The following MALRD1 variants were observed in gnomAD, a reference collection of about 807,000 sequenced individuals.
MALRD1 encodes the protein MAM and LDL receptor class A domain containing 1, also known as MAM and LDL-receptor class A domain-containing protein 1.
In MALRD1, 247 loss-of-function variants were observed where a neutral mutation model predicts 242.1. That is an observed-to-expected ratio of 1.02 (90% CI 0.92 to 1.13). The LOEUF (loss-of-function observed/expected upper bound fraction) is 1.13. Ranked by LOEUF, MALRD1 falls within the 50% of genes most tolerant of loss-of-function variation. The probability of loss-of-function intolerance (pLI) is 0.00; values close to 1 mark genes in which losing one functional copy is unlikely to be tolerated. For synonymous variants in MALRD1, 995 were observed against 866.6 expected (o/e 1.15, Z -2.60); for missense variants, 2,989 against 2,533.1 (o/e 1.18, Z -3.86).
At chr10:19,554,766 A>C (rs1437037441) in intron 32 of MALRD1, among the ~76,000 whole-genome samples, 1 of 152,038 alleles carries the variant, frequency 6.6e-6, no homozygotes, top group Non-Finnish European at 1.5e-5. Context: ...GTGTATATGC[A>C]CCACATTTTT....
chr10:19,360,910 GT>G (rs201629191), intron 26 of MALRD1, among the ~76,000 whole-genome samples: 5 of 149,628 alleles, frequency 3.3e-5, no homozygotes, highest in African/African-American at 7.4e-5. Context: ...AACCAGTGAA[GT>G]TTTTTTTTTG....
intron 18 of MALRD1, among the ~76,000 whole-genome samples, chr10:19,242,916 T>G (rs183354491): frequency 1.3e-5 from 2 of 152,194 alleles, no homozygotes; most frequent in East Asian, 1.9e-4. Flanking sequence ...TTAATCCACT[T>G]CTATTCAAGT....
chr10:19,280,360 T>C, intron 20 of MALRD1, 137 bp downstream of exon 20: 2 of 597,800 alleles, frequency 3.3e-6, no homozygotes, highest in Non-Finnish European at 2.5e-6. Context: ...GTAACAGTTA[T>C]TCATACAGAA....
At chr10:19,483,729 A>G (rs1837118278) in intron 29 of MALRD1, among the ~76,000 whole-genome samples, 2 of 152,182 alleles carry the variant, frequency 1.3e-5, no homozygotes, top group South Asian at 4.1e-4. Context: ...AGATTTCTCA[A>G]AGAACTTAGA....
At chr10:19,369,096 T>G (rs2130737454) in intron 26 of MALRD1, among the ~76,000 whole-genome samples, 1 of 146,794 alleles carries the variant, frequency 6.8e-6, no homozygotes, top group Non-Finnish European at 1.5e-5. Context: ...TTAATATATA[T>G]TTAAATATAT....
At chr10:19,061,140 G>T (rs1323718990) in intron 1 of MALRD1, among the ~76,000 whole-genome samples, 1 of 152,134 alleles carries the variant, frequency 6.6e-6, no homozygotes. Flanking sequence ...TCATCAGGAG[G>T]GAGAGCATCA....
At chr10:19,671,948 C>CT (rs925885174) in intron 36 of MALRD1, among the ~76,000 whole-genome samples, 20 of 151,328 alleles carry the variant, frequency 1.3e-4, no homozygotes, top group African/African-American at 4.4e-4. Flanking sequence ...TTCATTTTTT[C>CT]TTTTTTCCAA....
chr10:19,143,902 G>T (rs2131433617), intron 10 of MALRD1, among the ~76,000 whole-genome samples: 1 of 152,260 alleles, frequency 6.6e-6, no homozygotes, highest in East Asian at 1.9e-4. Flanking sequence ...TCACAGCTAG[G>T]TTGTAAGTGC....
At position 19,255,152 on chromosome 10, in the gene MALRD1, G is replaced by A. The variant is rs1053956047; in HGVS notation, c.2992-2532G>A. On this transcript the variant is annotated intron_variant, in intron 18 of 39. Transcript: ENST00000454679. ...GTTTACTTCATAACATTTCCAAGAC[G>A]ATGATAGTTCTAATATAAGTAGAAT... Among the ~76,000 whole-genome samples, 5 of 151,944 alleles carry A rather than the reference G, an allele frequency of 3.3e-5. No homozygotes were observed. In the East Asian group the frequency reaches 7.7e-4, roughly 24 times the overall value.
chr10:19,326,134 C>T (rs985502327), intron 22 of MALRD1, among the ~76,000 whole-genome samples: 3 of 151,988 alleles, frequency 2.0e-5, no homozygotes, highest in African/African-American at 4.8e-5. Context: ...TAAAGACATC[C>T]AAATGGGCTT....
At chr10:19,049,720 T>C (rs560444709) in intron 1 of MALRD1, among the ~76,000 whole-genome samples, 1 of 152,240 alleles carries the variant, frequency 6.6e-6, no homozygotes, top group Non-Finnish European at 1.5e-5. Flanking sequence ...AAATCTCCTG[T>C]GATTTTGAAC....
At chr10:19,612,020 T>C (rs1364525030) in intron 35 of MALRD1, among the ~76,000 whole-genome samples, 3 of 152,078 alleles carry the variant, frequency 2.0e-5, no homozygotes, top group East Asian at 3.9e-4. Context: ...AATTTAAATA[T>C]GAATGACCCA....
intron 22 of MALRD1, among the ~76,000 whole-genome samples, chr10:19,324,622 G>A (rs1296297049): frequency 1.4e-5 from 2 of 147,568 alleles, no homozygotes; most frequent in Non-Finnish European, 3.0e-5. Context: ...AAAAAAACGA[G>A]TTGTCCTGGT....
intron 29 of MALRD1, among the ~76,000 whole-genome samples, chr10:19,486,592 C>T (rs934086606): frequency 6.6e-6 from 1 of 152,064 alleles, no homozygotes; most frequent in South Asian, 2.1e-4. Context: ...GGATTACGCC[C>T]GTTTTAATAT....
intron 18 of MALRD1, among the ~76,000 whole-genome samples, chr10:19,216,119 C>CTTTTTTTT (rs753559077): frequency 1.2e-4 from 15 of 122,816 alleles, no homozygotes; most frequent in East Asian, 8.5e-4. Context: ...TTCTTTCTTT[C>CTTTTTTTT]TTTTTTTTTT....
intron 36 of MALRD1, among the ~76,000 whole-genome samples, chr10:19,623,134 CAGAT>C (rs1026284887): frequency 1.3e-5 from 2 of 151,654 alleles, no homozygotes; most frequent in Non-Finnish European, 2.9e-5. Context: ...CATTTGAAGA[CAGAT>C]AAAGTTAATT....
intron 36 of MALRD1, among the ~76,000 whole-genome samples, chr10:19,648,693 A>G (rs769920724): frequency 2.0e-5 from 3 of 152,208 alleles, no homozygotes; most frequent in Non-Finnish European, 2.9e-5. Context: ...AACCAACTCC[A>G]AAATATCTGA....
intron 38 of MALRD1, among the ~76,000 whole-genome samples, chr10:19,709,243 T>TAAAAAAAAAAAAAAA (rs557818453): frequency 3.8e-5 from 4 of 105,948 alleles, no homozygotes; most frequent in African/African-American, 1.1e-4. Context: ...CCGTCTGTAC[T>TAAAAAAAAAAAAAAA]AAAAAAAAAA....
intron 19 of MALRD1, among the ~76,000 whole-genome samples, chr10:19,274,867 T>C (rs550833485): frequency 3.4e-4 from 52 of 152,264 alleles, no homozygotes; most frequent in African/African-American, 1.3e-3. Flanking sequence ...ATATAGTTTC[T>C]GGTTTTTGAG....
Sources: allele counts gnomAD v4.1 joint callset (sites outside exome capture counted in the v4.1 genomes callset), GRCh38; gene constraint gnomAD v4.1.1; transcripts MANE v1.5; gene names NCBI Gene and HGNC (gene_info 2026-07-23, HGNC 2026-07-21).